Variants in SAMMSON observed in about 807,000 individuals in gnomAD.
The protein encoded by SAMMSON is long intergenic non-protein coding RNA 1212.
chr3:70,388,547 G>T (rs1357328153), intron 9 of SAMMSON, among the ~76,000 whole-genome samples: 3 of 152,082 alleles, frequency 2.0e-5, no homozygotes, highest in Non-Finnish European at 4.4e-5. Context: ...AATATAGTCT[G>T]CAAAAATCTA....
chr3:70,243,648 C>T (rs184823771), intron 4 of SAMMSON, among the ~76,000 whole-genome samples: 16 of 152,212 alleles, frequency 1.1e-4, no homozygotes, highest in Non-Finnish European at 4.4e-5. Flanking sequence ...TAGCCTCTAC[C>T]CACTCGATGC....
chr3:70,277,981 C>T (rs895637982), intron 6 of SAMMSON, among the ~76,000 whole-genome samples: 34 of 152,032 alleles, frequency 2.2e-4, no homozygotes, highest in Admixed American at 2.0e-3. Context: ...TAAAATAAAG[C>T]GCGCAAATCT....
intron 2 of SAMMSON, among the ~76,000 whole-genome samples, chr3:70,403,274 C>G (rs932021720): frequency 1.3e-5 from 2 of 152,120 alleles, no homozygotes; most frequent in Non-Finnish European, 1.5e-5. Context: ...AGGAGAGGCC[C>G]AGTCAAAATT....
intron 4 of SAMMSON, among the ~76,000 whole-genome samples, chr3:70,140,841 A>T (rs752646221): frequency 7.9e-5 from 12 of 151,990 alleles, no homozygotes; most frequent in Non-Finnish European, 1.5e-4. Flanking sequence ...CCTCATTTCC[A>T]TCTGAGTCTT....
At chr3:70,410,494 C>A (rs578099417) in intron 2 of SAMMSON, among the ~76,000 whole-genome samples, 1 of 152,172 alleles carries the variant, frequency 6.6e-6, no homozygotes, top group African/African-American at 2.4e-5. Context: ...TTCCAGGAGG[C>A]CTAAATATAA....
intron 6 of SAMMSON, among the ~76,000 whole-genome samples, chr3:70,255,436 T>C (rs1483084268): frequency 2.0e-5 from 3 of 152,144 alleles, no homozygotes; most frequent in Non-Finnish European, 4.4e-5. Flanking sequence ...TTTTTTTTTC[T>C]TCTTTATTTT....
At chr3:70,085,139 G>A (rs764849272) in intron 4 of SAMMSON, among the ~76,000 whole-genome samples, 4 of 152,108 alleles carry the variant, frequency 2.6e-5, no homozygotes, top group South Asian at 4.1e-4. Context: ...TGTAGAGTGG[G>A]CACCTTTTCC....
rs2067569390 is a variant in SAMMSON, at chr3:70,151,074, G to A, written n.507+79509G>A. Among the ~76,000 whole-genome samples, 2 of 132,582 alleles carry A rather than the reference G, an allele frequency of 1.5e-5. 1 individual carries two copies. Among genetic ancestry groups the A allele is most frequent in the South Asian group, 5.2e-4 (2 of 3,846 alleles). The allele number at this position is 132,582 out of a possible 152,430, so 87.0% of individuals were successfully genotyped here. A position where few individuals can be genotyped will look rare whatever the true frequency, so the allele number is the denominator to read the frequency against. ...CTATTAGCATCCAGCCAGGAAAACA[G>A]ATCCACTTTATTTCAACAGAGAGAA... On this transcript the variant is annotated intron_variant and non_coding_transcript_variant, in intron 4 of 9. Coordinates refer to ENST00000642114, the Ensembl canonical transcript of SAMMSON.
At chr3:70,394,946 C>T (rs999400978) in intron 2 of SAMMSON, among the ~76,000 whole-genome samples, 2 of 152,164 alleles carry the variant, frequency 1.3e-5, no homozygotes, top group African/African-American at 4.8e-5. Flanking sequence ...TTGTCCATTA[C>T]TTTCTATTTT....
intron 2 of SAMMSON, among the ~76,000 whole-genome samples, chr3:70,413,028 C>T (rs1026949014): frequency 5.3e-5 from 8 of 151,944 alleles, no homozygotes; most frequent in South Asian, 2.1e-4. Context: ...AGCACAGAAC[C>T]GGCAATTCTT....
chr3:70,397,083 T>G (rs1701099043), intron 2 of SAMMSON, among the ~76,000 whole-genome samples: 1 of 152,204 alleles, frequency 6.6e-6, no homozygotes, highest in South Asian at 2.1e-4. Flanking sequence ...TTGTTATATG[T>G]ACTCTTTAAT....
chr3:70,154,544 A>T (rs2067584400), intron 4 of SAMMSON, among the ~76,000 whole-genome samples: 1 of 152,052 alleles, frequency 6.6e-6, no homozygotes, highest in African/African-American at 2.4e-5. Flanking sequence ...ATCAGCTGTT[A>T]AATCTCCTCC....
intron 7 of SAMMSON, among the ~76,000 whole-genome samples, chr3:70,315,692 T>G (rs1423557841): frequency 1.3e-5 from 2 of 152,192 alleles, no homozygotes; most frequent in East Asian, 3.9e-4. Flanking sequence ...TTTAGTCTCT[T>G]GAGATGGGCT....
At chr3:70,262,310 C>A (rs548012343) in intron 6 of SAMMSON, among the ~76,000 whole-genome samples, 1 of 152,106 alleles carries the variant, frequency 6.6e-6, no homozygotes. Context: ...AAGGAGCCAA[C>A]GCAAAATAGA....
At chr3:70,272,458 C>T (rs941572411) in intron 6 of SAMMSON, 33 of 152,344 alleles carry the variant, frequency 2.2e-4, no homozygotes, top group African/African-American at 7.7e-4. Flanking sequence ...AATGCTGGGG[C>T]ATAATCCATT....
chr3:70,299,738 C>A (rs1011333087), intron 7 of SAMMSON, among the ~76,000 whole-genome samples: 16 of 152,164 alleles, frequency 1.1e-4, no homozygotes, highest in African/African-American at 3.9e-4. Flanking sequence ...TCGTAATATC[C>A]TCAACTCACA....
At chr3:70,246,200 C>T (rs934022484) in intron 4 of SAMMSON, among the ~76,000 whole-genome samples, 3 of 151,982 alleles carry the variant, frequency 2.0e-5, no homozygotes, top group Non-Finnish European at 4.4e-5. Context: ...TGGAATAGTA[C>T]ATCACCATTT....
intron 9 of SAMMSON, among the ~76,000 whole-genome samples, chr3:70,369,531 TGCCATG>T (rs1702948737): frequency 6.6e-6 from 1 of 151,558 alleles, no homozygotes. Context: ...TTTTTTTTTT[TGCCATG>T]TTGCACTACC....
intron 6 of SAMMSON, among the ~76,000 whole-genome samples, chr3:70,278,596 T>G (rs1522345): frequency 0.6 from 90,154 of 151,354 alleles, 28,092 homozygotes; most frequent in Non-Finnish European, 0.7. Context: ...TTAATAGATT[T>G]GAATGCCTTT....
Sources: gnomAD v4.1 joint callset for allele counts (sites outside exome capture counted in the v4.1 genomes callset) on GRCh38, gnomAD v4.1.1 for gene constraint, MANE v1.5 for transcripts, NCBI Gene and HGNC (gene_info 2026-07-23, HGNC 2026-07-21) for gene names.